KIAA1958: variants seen among roughly 807,000 people sequenced by gnomAD.
KIAA1958 encodes the protein KIAA1958, also known as uncharacterized protein KIAA1958.
In KIAA1958, 14 loss-of-function variants were observed where a neutral mutation model predicts 47.2. That is an observed-to-expected ratio of 0.30 (90% confidence interval 0.20 to 0.46). The LOEUF is 0.46. Ranked by LOEUF, KIAA1958 falls within the 20% of genes least tolerant of loss-of-function variation. KIAA1958 has a pLI of 1.00. For synonymous variants in KIAA1958, 354 were observed against 353.3 expected (o/e 1.00, Z -0.02); for missense variants, 803 against 909.2 (o/e 0.88, Z 1.50).
At chr9:112,545,825 GT>G (rs768489084) in intron 1 of KIAA1958, among the ~76,000 whole-genome samples, 76 of 93,054 alleles carry the variant, frequency 8.2e-4, no homozygotes, top group East Asian at 6.7e-3. Context: ...AGGTTTCTTT[GT>G]TTTTTTTTTT....
chr9:112,536,674 T>C (rs7847347), intron 1 of KIAA1958, among the ~76,000 whole-genome samples: 144,001 of 152,240 alleles, frequency 0.95, 68,156 homozygotes, highest in South Asian at 0.98. Context: ...TCCCAGCTAC[T>C]TGGGAGGCTG....
chr9:112,540,849 A>C (rs1227268279), intron 1 of KIAA1958, among the ~76,000 whole-genome samples: 1 of 151,642 alleles, frequency 6.6e-6, no homozygotes, highest in Non-Finnish European at 1.5e-5. Context: ...CTGAGTAGCT[A>C]GGGCTACAGG....
chr9:112,634,190 T>C (rs1023973483), intron 2 of KIAA1958, among the ~76,000 whole-genome samples: 1 of 152,206 alleles, frequency 6.6e-6, no homozygotes, highest in Admixed American at 6.5e-5. Context: ...GTATTTTATG[T>C]TTCCTGGAAT....
chr9:112,502,760 A>G (rs1427518693), intron 1 of KIAA1958, among the ~76,000 whole-genome samples: 2 of 152,222 alleles, frequency 1.3e-5, no homozygotes, highest in Non-Finnish European at 2.9e-5. Flanking sequence ...AGTAGTTACG[A>G]TAGAGATCTT....
intron 1 of KIAA1958, among the ~76,000 whole-genome samples, chr9:112,502,647 A>G (rs1396369213): frequency 6.6e-6 from 1 of 152,236 alleles, no homozygotes; most frequent in African/African-American, 2.4e-5. Flanking sequence ...AAAGATAGAG[A>G]TACATGCACA....
At chr9:112,531,936 A>T (rs1048150809) in intron 1 of KIAA1958, among the ~76,000 whole-genome samples, 5 of 152,218 alleles carry the variant, frequency 3.3e-5, no homozygotes, top group South Asian at 2.1e-4. Context: ...CTTGGAGCAA[A>T]GCTTGTGCAC....
At chr9:112,640,302 C>T (rs1233443296) in intron 2 of KIAA1958, among the ~76,000 whole-genome samples, 1 of 152,142 alleles carries the variant, frequency 6.6e-6, no homozygotes, top group Non-Finnish European at 1.5e-5. Flanking sequence ...CTGGATTGTC[C>T]AAGGCATCTC....
At chr9:112,603,774 T>G (rs149326192) in intron 2 of KIAA1958, among the ~76,000 whole-genome samples, 121 of 152,328 alleles carry the variant, frequency 7.9e-4, no homozygotes, top group African/African-American at 2.6e-3. Flanking sequence ...GGGGGCACAG[T>G]GGGTACTCAC....
At chr9:112,629,122 C>G (rs1052666807) in intron 2 of KIAA1958, among the ~76,000 whole-genome samples, 7 of 152,098 alleles carry the variant, frequency 4.6e-5, no homozygotes, top group South Asian at 2.1e-4. Context: ...CACTTTTACT[C>G]TATCCCTTGG....
chr9:112,595,364 C>G (rs1836001973), intron 2 of KIAA1958, among the ~76,000 whole-genome samples: 1 of 152,114 alleles, frequency 6.6e-6, no homozygotes, highest in Admixed American at 6.5e-5. Context: ...TTTATTTAAT[C>G]TAAGAAATTA....
At chr9:112,649,749 G>A (rs999285974) in intron 3 of KIAA1958, among the ~76,000 whole-genome samples, 1 of 152,136 alleles carries the variant, frequency 6.6e-6, no homozygotes, top group Non-Finnish European at 1.5e-5. Flanking sequence ...ACTATCCTCT[G>A]TGAAAACAGC....
chr9:112,659,808 C>T lies in KIAA1958; in HGVS notation c.1890C>T (p.Tyr630=). 2.5e-6 allele frequency: 4 copies of T among 1,614,206 alleles called. No individual in the cohort carries two copies. The highest frequency in any genetic ancestry group is 2.5e-6 in the Non-Finnish European group (3 of 1,180,030). Residue 630 remains tyrosine (Y), a synonymous_variant, in exon 4 of 4, where the codon TAC becomes TAT. Transcript: ENST00000337530. ...CCCGGGGACACAAACAGTGCCCTTA[C>T]TGCCTCCTCTACAAGTACATGTACA... The part of the protein sequence containing the change: ...EHSRGHKQCP[Y]CLLYKYMYIH...
chr9:112,595,038 A>G lies in KIAA1958; in HGVS notation c.1171+19787A>G, dbSNP rs139615491. Reference sequence around the variant, plus strand: ...TATAAGAGTTTTAAAACATAGGGACATCCATATATTTTCACTTAAGTTAGC... The same window carrying G: ...TATAAGAGTTTTAAAACATAGGGACGTCCATATATTTTCACTTAAGTTAGC... On this transcript the variant is annotated intron_variant, in intron 2 of 3. Coordinates refer to ENST00000337530, the MANE Select transcript of KIAA1958 (RefSeq NM_133465.4). 2.4e-3 allele frequency among the ~76,000 whole-genome samples: 369 copies of G among 152,340 alleles called. 5 individuals carry two copies. Among genetic ancestry groups the G allele is most frequent in the African/African-American group, 8.3e-3 (347 of 41,586 alleles).
At chr9:112,609,157 G>A (rs945901071) in intron 2 of KIAA1958, among the ~76,000 whole-genome samples, 1 of 152,142 alleles carries the variant, frequency 6.6e-6, no homozygotes, top group Non-Finnish European at 1.5e-5. Context: ...TATCTTATGT[G>A]TATTCATAAA....
At chr9:112,645,329 T>G (rs1049767918) in intron 2 of KIAA1958, among the ~76,000 whole-genome samples, 6 of 152,346 alleles carry the variant, frequency 3.9e-5, no homozygotes, top group Admixed American at 3.9e-4. Flanking sequence ...GTGAAAATTT[T>G]AGATAGAACA....
intron 1 of KIAA1958, among the ~76,000 whole-genome samples, chr9:112,519,323 T>C (rs950632083): frequency 6.6e-6 from 1 of 152,230 alleles, no homozygotes; most frequent in South Asian, 2.1e-4. Flanking sequence ...TTATATGAGC[T>C]TGAAGACAAA....
intron 2 of KIAA1958, among the ~76,000 whole-genome samples, chr9:112,643,046 G>T (rs1836919540): frequency 6.6e-6 from 1 of 152,236 alleles, no homozygotes; most frequent in Admixed American, 6.5e-5. Context: ...GTTTGAAACA[G>T]TAGTGGTCAT....
intron 1 of KIAA1958, among the ~76,000 whole-genome samples, chr9:112,527,795 G>C (rs868690945): frequency 6.6e-6 from 1 of 151,836 alleles, no homozygotes; most frequent in Admixed American, 6.6e-5. Context: ...AAATTAGCCC[G>C]GCATGGTGGT....
At chr9:112,635,218 GTGTGTGTGT>G (rs1564197266) in intron 2 of KIAA1958, among the ~76,000 whole-genome samples, 11 of 19,158 alleles carry the variant, frequency 5.7e-4, no homozygotes, top group Non-Finnish European at 2.4e-3. Flanking sequence ...TTTATTTTGT[GTGTGTGTGT>G]GTGTGTGTGT....
Sources: gnomAD v4.1 joint callset for allele counts (sites outside exome capture counted in the v4.1 genomes callset) on GRCh38, gnomAD v4.1.1 for gene constraint, MANE v1.5 for transcripts, NCBI Gene and HGNC (gene_info 2026-07-23, HGNC 2026-07-21) for gene names.